The following TLN1 variants were observed in gnomAD, a reference collection of about 807,000 sequenced individuals.
TLN1 encodes the protein talin-1.
Under a neutral mutation model 292.3 loss-of-function variants are expected in TLN1, and 56 were observed. The observed-to-expected ratio is 0.19, with a 90% CI of 0.15 to 0.24. The LOEUF (loss-of-function observed/expected upper bound fraction) is 0.24. Ranked by LOEUF, TLN1 falls within the 10% of genes least tolerant of loss-of-function variation. TLN1 has a pLI of 1.00. For synonymous variants in TLN1, 1,119 were observed against 1,253.7 expected (o/e 0.89, Z 2.27); for missense variants, 2,433 against 3,248.2 (o/e 0.75, Z 6.10).
rs1825923466 is a variant in TLN1, at chr9:35,724,007, A to C, written c.727T>G (p.Cys243Gly). Reference sequence around the variant, plus strand: ...TTGTGGGGCCCAAACTGGATCTGGCATTGGAAGCCAGCAAACTCACAGGCC... The same window carrying C: ...TTGTGGGGCCCAAACTGGATCTGGCCTTGGAAGCCAGCAAACTCACAGGCC... ...DKACEFAGFQ[C>G]QIQFGPHNEQ... The change falls in exon 7 of 57, where the codon TGC becomes GGC. Residue 243 changes from cysteine (C) to glycine (G), a missense_variant. Physicochemically the swap from Cys to Gly is radical, Grantham distance 159. Around this residue, in one of 7 missense-constraint regions of TLN1, gnomAD observed 78 missense variants for 88.8 expected, o/e 0.88. Transcript: ENST00000314888. This position sits in a 1 kb window ranked among gnomAD's most constrained non-coding sequence, Gnocchi z 4.7. The C allele has an allele frequency of 6.2e-7, 1 of 1,613,986 alleles. No homozygotes were observed.
chr9:35,700,590 T>C (rs1825448948), intron 48 of TLN1, among the ~76,000 whole-genome samples: 2 of 152,176 alleles, frequency 1.3e-5, no homozygotes, highest in Non-Finnish European at 2.9e-5. Flanking sequence ...GGCTGGGTTT[T>C]CATTCCCAAA....
rs1382631106 is a variant in TLN1 at position 35,715,048 on chromosome 9, C to T, written c.2754+11G>A. 1 of 1,612,758 alleles carries T rather than the reference C, an allele frequency of 6.2e-7. No homozygotes were observed. The highest frequency in any genetic ancestry group is 1.3e-5 in the African/African-American group (1 of 75,022). ...ACTCTCTCTTGCTCCTGGTGAAACT[C>T]CCAGCCTCACCTCCAGGCGCTGCAC... On this transcript the variant is annotated intron_variant, in intron 21 of 56. Coordinates refer to ENST00000314888, the MANE Select transcript of TLN1 (RefSeq NM_006289.4).
Position 35,706,710 on chromosome 9 carries a change from T to C in TLN1, c.5088+58A>G, listed in dbSNP as rs1825571348. On this transcript the variant is annotated intron_variant, in intron 38 of 56. Coordinates refer to ENST00000314888, the MANE Select transcript of TLN1 (RefSeq NM_006289.4). The surrounding 1 kb of genome is among the most constrained non-coding windows in gnomAD (Gnocchi z 4.2). ...GCCACTCCTTGATCCCCCAGCTTCTTTGAGTCTGATATTTCTCTTCCTAGA... is the reference window on the plus strand; with the variant it reads ...GCCACTCCTTGATCCCCCAGCTTCTCTGAGTCTGATATTTCTCTTCCTAGA... 2 of 1,596,134 alleles carry C rather than the reference T, an allele frequency of 1.3e-6. No homozygotes were observed. Among genetic ancestry groups the C allele is most frequent in the Admixed American group, 1.7e-5 (1 of 58,576 alleles).
rs931802569 is a variant in TLN1, at chr9:35,725,607, G to A, written c.88C>T (p.Arg30Cys). 9.9e-6 allele frequency: 16 copies of A among 1,613,806 alleles called. No individual in the cohort carries two copies. Among genetic ancestry groups the A allele is most frequent in the Non-Finnish European group, 1.2e-5 (14 of 1,179,910 alleles). ...TCTGGGATCCGCTCACGAATGATGC[G>A]GCAGGCGTCGTACACCATGGTAGAC... is the stretch of plus-strand genomic sequence containing the variant. The part of the protein sequence containing the change: ...EPSTMVYDAC[R>C]IIRERIPEAP... Residue 30 changes from arginine (R) to cysteine (C), a missense_variant, in exon 2 of 57, where the codon CGC becomes TGC. Physicochemically the swap from Arg to Cys is radical, Grantham distance 180. Coordinates refer to ENST00000314888, the MANE Select transcript of TLN1 (RefSeq NM_006289.4).
chr9:35,710,424 G>C, intron 33 of TLN1, 137 bp downstream of exon 33: 1 of 1,259,956 alleles, frequency 7.9e-7, no homozygotes, highest in Non-Finnish European at 1.1e-6. Flanking sequence ...TCCACTTCAG[G>C]AGGAGGACAA....
chr9:35,712,801 G>A, intron 27 of TLN1, 34 bp downstream of exon 27: 1 of 1,531,944 alleles, frequency 6.5e-7, no homozygotes, highest in Non-Finnish European at 8.9e-7. Flanking sequence ...AAGGAACCTG[G>A]GGGAGAGGGA....
chr9:35,712,993 C>T lies in TLN1; in HGVS notation c.3403G>A (p.Ala1135Thr), dbSNP rs146392528. Residue 1135 changes from alanine (A) to threonine (T), a missense_variant, in exon 27 of 57, where the codon GCT (alanine) becomes ACT (threonine). By Grantham distance (58) the Ala-to-Thr change is moderately conservative. Around this residue, in one of 7 missense-constraint regions of TLN1, gnomAD observed 1,384 missense variants for 1,699.6 expected, o/e 0.81. Coordinates refer to ENST00000314888, the MANE Select transcript of TLN1 (RefSeq NM_006289.4). The part of the protein sequence containing the change: ...AGGLRSLAQA[A>T]RGVAALTSDP... ...GACGTCAGTGCAGCGACTCCCCTAG[C>T]GGCCTGGGCCAGTGACCGCAGCCCA... The T allele has an allele frequency of 1.6e-4, 251 of 1,609,216 alleles. 1 individual carries two copies. The South Asian group carries it at 2.4e-3, about 15-fold the overall frequency.
In TLN1 at chr9:35,705,540, T is replaced by A. The variant is rs374123009; in HGVS notation, c.5733+11A>T. The stretch of plus-strand genomic sequence containing the variant: ...GGGCAGGGGGCAGGGCAGAGTTGCC[T>A]CCACGTTTACCTCTTCATTTTCAGC... On this transcript the variant is annotated intron_variant, in intron 43 of 56. Coordinates refer to ENST00000314888, the MANE Select transcript of TLN1 (RefSeq NM_006289.4). 3.4e-5 allele frequency: 54 copies of A among 1,565,986 alleles called. No individual in the cohort carries two copies. The African/African-American group carries it at 6.5e-4, about 19-fold the overall frequency.
At chr9:35,725,971 G>T (rs1019588284) in intron 1 of TLN1, among the ~76,000 whole-genome samples, 1 of 152,070 alleles carries the variant, frequency 6.6e-6, no homozygotes, top group Non-Finnish European at 1.5e-5. Flanking sequence ...AGAGTACAGT[G>T]GTGCGATCTC....
intron 48 of TLN1, among the ~76,000 whole-genome samples, chr9:35,702,542 G>C (rs1382172427): frequency 6.6e-6 from 1 of 152,026 alleles, no homozygotes; most frequent in Non-Finnish European, 1.5e-5. Flanking sequence ...GCCCAGGCTG[G>C]AGTGCAGTGG....
chr9:35,709,713 C>T (rs904833669), intron 33 of TLN1, among the ~76,000 whole-genome samples: 10 of 149,216 alleles, frequency 6.7e-5, no homozygotes, highest in Non-Finnish European at 1.3e-4. Flanking sequence ...ACGGTGAAAC[C>T]CCGTCTCTAC....
chr9:35,729,847 C>T (rs1826039412), intron 1 of TLN1, among the ~76,000 whole-genome samples: 4 of 151,618 alleles, frequency 2.6e-5, no homozygotes, highest in Admixed American at 2.6e-4. Context: ...GCTGTGGTTA[C>T]GGGATGTGGT....
Position 35,714,775 on chromosome 9 carries a change from C to T in TLN1, c.2856G>A (p.Leu952=), listed in dbSNP as rs1312851650. 1.3e-6 allele frequency: 2 copies of T among 1,593,150 alleles called. No homozygotes were observed. The highest frequency in any genetic ancestry group is 2.7e-5 in the African/African-American group (2 of 74,634). ...AGAGTCTTACCTTGCAGCTCTGCAC[C>T]AGCAGGGGCTGGGGGCCGGCAGAGG... ...PKASAGPQPL[L]VQSCKAVAEQ... The change falls in exon 22 of 57, where the codon CTG becomes CTA. Residue 952 remains leucine (L), a synonymous_variant. Coordinates refer to ENST00000314888, the MANE Select transcript of TLN1 (RefSeq NM_006289.4). The surrounding 1 kb of genome is among the most constrained non-coding windows in gnomAD (Gnocchi z 4.6).
chr9:35,709,274 A>T (rs2131889565), intron 33 of TLN1, among the ~76,000 whole-genome samples: 1 of 152,322 alleles, frequency 6.6e-6, no homozygotes, highest in Non-Finnish European at 1.5e-5. Context: ...CAGCCTGGCG[A>T]CAGAGCGAGA....
At position 35,699,348 on chromosome 9, in the gene TLN1, C is replaced by T. The variant is rs779299435; in HGVS notation, c.6874+8G>A. ...TTCCATCCGTCCCTGTCCCTGGTCACCCCTCACCCTTCATGGCTTCAGCAG... is the reference window on the plus strand; with the variant it reads ...TTCCATCCGTCCCTGTCCCTGGTCATCCCTCACCCTTCATGGCTTCAGCAG... On this transcript the variant is annotated splice_region_variant and intron_variant, in intron 51 of 56. Transcript: ENST00000314888. This position sits in a 1 kb window ranked among gnomAD's most constrained non-coding sequence, Gnocchi z 4.0. The T allele has an allele frequency of 1.7e-5, 27 of 1,608,526 alleles. No individual in the cohort carries two copies. The Admixed American group carries it at 4.6e-4, about 27-fold the overall frequency.
Position 35,698,701 on chromosome 9 carries a change from A to G in TLN1, c.7126-22T>C. The G allele has an allele frequency of 6.2e-7, 1 of 1,614,096 alleles. No homozygotes were observed. Among genetic ancestry groups the G allele is most frequent in the Non-Finnish European group, 8.5e-7 (1 of 1,180,004 alleles). On this transcript the variant is annotated intron_variant, in intron 53 of 56. Coordinates refer to ENST00000314888, the MANE Select transcript of TLN1 (RefSeq NM_006289.4). This position sits in a 1 kb window ranked among gnomAD's most constrained non-coding sequence, Gnocchi z 5.3. ...CCACCTGTAGGAAGGAGAAGAGCCT[A>G]CTTAGACCTGCATTTTCCTCACTTC...
At position 35,719,440 on chromosome 9, in the gene TLN1, G is replaced by C. The variant is rs779780459; in HGVS notation, c.1687+79C>G. ...AGTGAGTCAAGGCACAGTCACACAT[G>C]AAGCCAGTCACATGCATGCCTGTGC... On this transcript the variant is annotated intron_variant, in intron 15 of 56. Coordinates refer to ENST00000314888, the MANE Select transcript of TLN1 (RefSeq NM_006289.4). The surrounding 1 kb of genome is among the most constrained non-coding windows in gnomAD (Gnocchi z 4.6). The C allele has an allele frequency of 1.4e-6, 2 of 1,409,144 alleles. No individual in the cohort carries two copies. Among genetic ancestry groups the C allele is most frequent in the Non-Finnish European group, 2.0e-6 (2 of 995,356 alleles). 87.3% of individuals were successfully genotyped at this position (1,409,144 alleles called of 1,614,324 possible).
chr9:35,718,201 CCT>C (rs1825818727), intron 17 of TLN1, among the ~76,000 whole-genome samples: 1 of 152,198 alleles, frequency 6.6e-6, no homozygotes, highest in Non-Finnish European at 1.5e-5. Context: ...CCTGTACTAC[CCT>C]ACCTGATCCC....
At chr9:35,731,563 GTTGT>G (rs147613416) in intron 1 of TLN1, among the ~76,000 whole-genome samples, 87,327 of 151,494 alleles carry the variant, frequency 0.58, 26,540 homozygotes, top group East Asian at 0.83. Flanking sequence ...CCTGATTCCT[GTTGT>G]TTGTTGACCC....
Sources: gnomAD v4.1 joint callset for allele counts (sites outside exome capture counted in the v4.1 genomes callset) on GRCh38, gnomAD v4.1.1 for gene constraint, gnomAD v4.1.1 regional missense constraint, Gnocchi (gnomAD v3.1) non-coding constraint, MANE v1.5 for transcripts, NCBI Gene and HGNC (gene_info 2026-07-23, HGNC 2026-07-21) for gene names.